Variants in THSD7A observed in about 807,000 individuals in gnomAD.
The protein encoded by THSD7A is thrombospondin type 1 domain containing 7A, also known as thrombospondin type-1 domain-containing protein 7A.
THSD7A carries 96 observed loss-of-function variants against 231.3 expected under a neutral mutation model. That is an observed-to-expected ratio of 0.41 (90% CI 0.35 to 0.49). The LOEUF (loss-of-function observed/expected upper bound fraction) is 0.49, where lower values mean the gene tolerates loss of function less well. THSD7A is among the 20% of genes least tolerant of loss of function. The probability of loss-of-function intolerance (pLI) is 0.05; values close to 1 mark genes in which losing one functional copy is unlikely to be tolerated. For missense variants in THSD7A, 2,290 were observed against 2,070.2 expected (o/e 1.11, Z -2.06); for synonymous variants, 940 against 743.3 (o/e 1.26, Z -4.30).
intron 6 of THSD7A, among the ~76,000 whole-genome samples, chr7:11,522,889 T>A (rs187722628): frequency 1.8e-4 from 27 of 152,264 alleles, no homozygotes; most frequent in South Asian, 2.1e-4. Context: ...TCTTTCGTTA[T>A]ACTTTTGTAG....
chr7:11,411,230 C>T lies in THSD7A; in HGVS notation c.3775G>A (p.Val1259Ile). The stretch of plus-strand genomic sequence containing the variant: ...ACCGCTTCACAATATTTCAGGTCAA[C>T]TGACTTGCCATCACTTCGAACACAA... Reference protein sequence around the residue: ...LDCVRSDGKSVDLKYCEALGL... With the variant: ...LDCVRSDGKSIDLKYCEALGL... The change falls in exon 19 of 28, where the codon GTT becomes ATT. Residue 1259 changes from valine to isoleucine, a missense_variant. Transcript: ENST00000423059. This position sits in a 1 kb window ranked among gnomAD's most constrained non-coding sequence, Gnocchi z 4.1. The T allele has an allele frequency of 6.2e-7, 1 of 1,613,628 alleles. No individual in the cohort carries two copies. Among genetic ancestry groups the T allele is most frequent in the Non-Finnish European group, 8.5e-7 (1 of 1,179,694 alleles).
intron 2 of THSD7A, among the ~76,000 whole-genome samples, chr7:11,614,842 A>G (rs1323909218): frequency 1.3e-5 from 2 of 152,244 alleles, no homozygotes; most frequent in African/African-American, 4.8e-5. Context: ...AAAAATAAAC[A>G]TCAAGAAGAG....
At chr7:11,505,446 GTTTTT>G (rs200864043) in intron 6 of THSD7A, among the ~76,000 whole-genome samples, 4 of 144,594 alleles carry the variant, frequency 2.8e-5, no homozygotes, top group Non-Finnish European at 4.6e-5. Flanking sequence ...CCAGTGTAAA[GTTTTT>G]TTTTTTTTTA....
chr7:11,617,675 C>G (rs1781154416), intron 2 of THSD7A, among the ~76,000 whole-genome samples: 1 of 152,052 alleles, frequency 6.6e-6, no homozygotes, highest in Non-Finnish European at 1.5e-5. Context: ...TTAGATTTAC[C>G]TTTTATTAGA....
At position 11,375,410 on chromosome 7, in the gene THSD7A, A is replaced by G; in HGVS notation, c.*384T>C. On this transcript the variant is annotated 3_prime_UTR_variant, in exon 28 of 28. Transcript: ENST00000423059. ...TAGTATTGTGGAGATCTTGGTAGAAACTCTTCATGCTAGGAAGTTTTATGG... is the reference window on the plus strand; with the variant it reads ...TAGTATTGTGGAGATCTTGGTAGAAGCTCTTCATGCTAGGAAGTTTTATGG... 1.3e-5 allele frequency: 2 copies of G among 158,060 alleles called. No individual in the cohort carries two copies. The highest frequency in any genetic ancestry group is 6.4e-5 in the Admixed American group (1 of 15,530). The allele number at this position is 158,060 out of a possible 1,614,324, so 9.8% of individuals were successfully genotyped here.
intron 17 of THSD7A, among the ~76,000 whole-genome samples, chr7:11,414,643 G>C (rs1220268717): frequency 6.6e-6 from 1 of 152,098 alleles, no homozygotes. Context: ...AAAAAGACTG[G>C]CTTGCCATTC....
chr7:11,678,759 T>C (rs1278685637), intron 1 of THSD7A, among the ~76,000 whole-genome samples: 1 of 152,190 alleles, frequency 6.6e-6, no homozygotes, highest in Non-Finnish European at 1.5e-5. Context: ...AGCCGAATTC[T>C]ACCAGAGGTA....
chr7:11,783,996 T>C (rs1406687640), intron 1 of THSD7A, among the ~76,000 whole-genome samples: 3 of 152,038 alleles, frequency 2.0e-5, no homozygotes, highest in Non-Finnish European at 4.4e-5. Context: ...ACTTATTAGT[T>C]TTTTAAATGT....
intron 22 of THSD7A, among the ~76,000 whole-genome samples, chr7:11,405,260 G>A (rs2115366732): frequency 6.7e-6 from 1 of 148,202 alleles, no homozygotes; most frequent in East Asian, 2.0e-4. Flanking sequence ...ACAAATTTTT[G>A]TTGATATATG....
At chr7:11,813,635 C>T (rs745387129) in intron 1 of THSD7A, among the ~76,000 whole-genome samples, 8 of 151,800 alleles carry the variant, frequency 5.3e-5, no homozygotes, top group Non-Finnish European at 1.0e-4. Context: ...ATCACTTGAA[C>T]CCAGGAGGCA....
chr7:11,438,040 T>C (rs1784688483), intron 13 of THSD7A, among the ~76,000 whole-genome samples: 1 of 151,980 alleles, frequency 6.6e-6, no homozygotes, highest in African/African-American at 2.4e-5. Flanking sequence ...GATTCTTTCC[T>C]GTTCCTACAA....
chr7:11,567,607 C>T (rs12699236), intron 4 of THSD7A, among the ~76,000 whole-genome samples: 3 of 152,022 alleles, frequency 2.0e-5, no homozygotes, highest in Non-Finnish European at 4.4e-5. Flanking sequence ...GGGTTTAAAA[C>T]TACCGATAGC....
chr7:11,682,744 T>G (rs771990861), intron 1 of THSD7A, among the ~76,000 whole-genome samples: 5 of 152,028 alleles, frequency 3.3e-5, no homozygotes, highest in Non-Finnish European at 4.4e-5. Context: ...AATTTGACAC[T>G]TGACCAACTT....
intron 1 of THSD7A, among the ~76,000 whole-genome samples, chr7:11,766,065 T>C (rs1783019687): frequency 6.6e-6 from 1 of 152,120 alleles, no homozygotes; most frequent in Non-Finnish European, 1.5e-5. Context: ...GTGAAAAAAA[T>C]ACAACTACAT....
chr7:11,694,136 G>T (rs1780317772), intron 1 of THSD7A, among the ~76,000 whole-genome samples: 1 of 151,492 alleles, frequency 6.6e-6, no homozygotes, highest in African/African-American at 2.4e-5. Flanking sequence ...GTTTCCCAGA[G>T]TCTCATTTTG....
intron 4 of THSD7A, among the ~76,000 whole-genome samples, chr7:11,543,720 T>C (rs986104408): frequency 6.6e-6 from 1 of 152,210 alleles, no homozygotes; most frequent in African/African-American, 2.4e-5. Flanking sequence ...GTGACACAAA[T>C]CTAGTAATCA....
At chr7:11,439,864 T>C (rs1686230778) in intron 13 of THSD7A, among the ~76,000 whole-genome samples, 1 of 152,058 alleles carries the variant, frequency 6.6e-6, no homozygotes, top group South Asian at 2.1e-4. Context: ...ATCTCAAATA[T>C]CTAGTTAAGG....
At chr7:11,710,934 A>G (rs2128148681) in intron 1 of THSD7A, among the ~76,000 whole-genome samples, 1 of 150,982 alleles carries the variant, frequency 6.6e-6, no homozygotes, top group East Asian at 2.0e-4. Flanking sequence ...TATACAATAA[A>G]AGGTCTGAAG....
chr7:11,580,522 T>C (rs1791109005), intron 4 of THSD7A, among the ~76,000 whole-genome samples: 1 of 152,116 alleles, frequency 6.6e-6, no homozygotes, highest in Non-Finnish European at 1.5e-5. Context: ...GTATACTTTT[T>C]TAAAAAATCA....
Sources: allele counts gnomAD v4.1 joint callset (sites outside exome capture counted in the v4.1 genomes callset), GRCh38; gene constraint gnomAD v4.1.1; non-coding constraint Gnocchi (gnomAD v3.1); transcripts MANE v1.5; gene names NCBI Gene and HGNC (gene_info 2026-07-23, HGNC 2026-07-21).